The following DIP2C variants were observed in gnomAD, a reference collection of about 807,000 sequenced individuals.
DIP2C encodes disco-interacting protein 2 homolog C.
A neutral mutation model predicts 192.4 loss-of-function variants in DIP2C; 33 were observed. The ratio of observed to expected loss-of-function variants is 0.17; its 90% confidence interval spans 0.13 to 0.23. DIP2C has a LOEUF of 0.23. DIP2C is among the 10% of genes least tolerant of loss of function. The probability of loss-of-function intolerance (pLI) is 1.00; values close to 1 mark genes in which losing one functional copy is unlikely to be tolerated. For missense variants in DIP2C, 1,537 were observed against 2,110.1 expected (o/e 0.73, Z 5.32); for synonymous variants, 979 against 864.1 (o/e 1.13, Z -2.33).
At chr10:509,465 CG>C in intron 1 of DIP2C, among the ~76,000 whole-genome samples, 1 of 152,276 alleles carries the variant, frequency 6.6e-6, no homozygotes, top group East Asian at 1.9e-4. Flanking sequence ...CACAGCAGGT[CG>C]GAACATCCCA....
chr10:603,534 T>C (rs1229422538), intron 1 of DIP2C, among the ~76,000 whole-genome samples: 1 of 152,052 alleles, frequency 6.6e-6, no homozygotes, highest in African/African-American at 2.4e-5. Context: ...AACAAGACCA[T>C]ACTGTGATCG....
At chr10:507,570 G>A (rs765149958) in intron 1 of DIP2C, among the ~76,000 whole-genome samples, 1 of 152,196 alleles carries the variant, frequency 6.6e-6, no homozygotes, top group Admixed American at 6.5e-5. Flanking sequence ...CTGTGTGCGC[G>A]GTGACGGACC....
At chr10:382,826 A>G (rs1962500340) in intron 16 of DIP2C, 65 bp from the exon 17 acceptor site, 2 of 1,193,792 alleles carry the variant, frequency 1.7e-6, no homozygotes, top group Non-Finnish European at 2.4e-6. Context: ...AAATCCCACC[A>G]TAGAAAATAG....
intron 1 of DIP2C, among the ~76,000 whole-genome samples, chr10:552,956 G>A (rs1848658574): frequency 6.6e-6 from 1 of 152,272 alleles, no homozygotes; most frequent in Non-Finnish European, 1.5e-5. Context: ...CCGAGCCTTT[G>A]CTCAGCAGAT....
At chr10:551,906 C>T (rs373627037) in intron 1 of DIP2C, among the ~76,000 whole-genome samples, 2 of 152,234 alleles carry the variant, frequency 1.3e-5, no homozygotes, top group East Asian at 3.8e-4. Flanking sequence ...CAGGCCCCTG[C>T]CGTGGTGTCA....
chr10:290,777 G>A (rs193252411), intron 32 of DIP2C, among the ~76,000 whole-genome samples: 37 of 152,332 alleles, frequency 2.4e-4, no homozygotes, highest in Non-Finnish European at 4.1e-4. Context: ...GACCAGCCAA[G>A]GAGTGAAACT....
intron 29 of DIP2C, among the ~76,000 whole-genome samples, chr10:329,978 G>C (rs1332618321): frequency 6.6e-6 from 1 of 152,100 alleles, no homozygotes; most frequent in Admixed American, 6.5e-5. Context: ...TTCAGAACAG[G>C]AGCTGGCAAA....
At chr10:499,134 A>AC (rs1291755984) in intron 1 of DIP2C, among the ~76,000 whole-genome samples, 2 of 152,128 alleles carry the variant, frequency 1.3e-5, no homozygotes, top group Non-Finnish European at 2.9e-5. Flanking sequence ...GCTGAACCCC[A>AC]CGATGGTCAC....
chr10:574,618 A>G (rs550524579), intron 1 of DIP2C, among the ~76,000 whole-genome samples: 2 of 152,344 alleles, frequency 1.3e-5, no homozygotes, highest in South Asian at 4.1e-4. Context: ...AACATACTCA[A>G]GAGACCCTGA....
At chr10:329,036 G>A (rs1352801602) in intron 30 of DIP2C, among the ~76,000 whole-genome samples, 1 of 152,138 alleles carries the variant, frequency 6.6e-6, no homozygotes, top group Non-Finnish European at 1.5e-5. Context: ...GGTCTCCAGG[G>A]AAAATAAAAG....
intron 29 of DIP2C, among the ~76,000 whole-genome samples, chr10:337,374 G>C (rs550539608): frequency 1.0e-3 from 140 of 134,246 alleles, no homozygotes; most frequent in African/African-American, 3.7e-3. Context: ...TGGAGGCCTA[G>C]GCAGCTGTGT....
At chr10:523,838 G>A (rs913102779) in intron 1 of DIP2C, among the ~76,000 whole-genome samples, 3 of 152,192 alleles carry the variant, frequency 2.0e-5, no homozygotes, top group African/African-American at 7.2e-5. Flanking sequence ...CAGCACACTT[G>A]TCGCTTTTAC....
intron 9 of DIP2C, among the ~76,000 whole-genome samples, chr10:400,200 A>G (rs1383220404): frequency 6.6e-6 from 1 of 152,120 alleles, no homozygotes; most frequent in Admixed American, 6.5e-5. Flanking sequence ...TTTTTAAAAA[A>G]TATCTTTAGA....
intron 14 of DIP2C, among the ~76,000 whole-genome samples, chr10:384,866 A>C (rs980990178): frequency 6.6e-6 from 1 of 151,358 alleles, no homozygotes; most frequent in Non-Finnish European, 1.5e-5. Context: ...TGCCATGGAC[A>C]CCAGACTGCA....
chr10:572,230 G>C (rs1849866359), intron 1 of DIP2C, among the ~76,000 whole-genome samples: 1 of 152,256 alleles, frequency 6.6e-6, no homozygotes, highest in African/African-American at 2.4e-5. Flanking sequence ...CACCTGGCAT[G>C]TGTGCAGCAA....
intron 1 of DIP2C, among the ~76,000 whole-genome samples, chr10:579,001 T>C (rs1165492863): frequency 6.6e-6 from 1 of 152,006 alleles, no homozygotes; most frequent in Admixed American, 6.5e-5. Context: ...AGGTACACTA[T>C]AACGTGTATG....
chr10:456,464 G>A (rs960085760), intron 3 of DIP2C, among the ~76,000 whole-genome samples: 4 of 128,750 alleles, frequency 3.1e-5, no homozygotes, highest in Admixed American at 2.9e-4. Flanking sequence ...CCTGAGGGGA[G>A]ACTGTGAGGA....
intron 1 of DIP2C, among the ~76,000 whole-genome samples, chr10:682,119 A>T (rs748316442): frequency 3.9e-5 from 6 of 152,156 alleles, no homozygotes; most frequent in Non-Finnish European, 8.8e-5. Context: ...CAGAGCATAG[A>T]CCTCATTCCT....
rs1564685049 is a variant in DIP2C at position 417,732 on chromosome 10, GCGCC to G, written c.739+1329_739+1332del. ...CTCAAATAGGCCTCCCTGTCTGCCT[GCGCC>G]TGTCAGGGCTCGGATAGGCATCCCT... On this transcript the variant is annotated intron_variant, in intron 6 of 36. Coordinates refer to ENST00000280886, the MANE Select transcript of DIP2C (RefSeq NM_014974.3). Among the ~76,000 whole-genome samples the G allele has an allele frequency of 3.0e-4, 40 of 133,056 alleles. 12 individuals carry two copies. The highest frequency in any genetic ancestry group is 1.2e-3 in the African/African-American group (40 of 33,210). 87.3% of individuals were successfully genotyped at this position (133,056 alleles called of 152,430 possible).
Sources: allele counts gnomAD v4.1 joint callset (sites outside exome capture counted in the v4.1 genomes callset), GRCh38; gene constraint gnomAD v4.1.1; transcripts MANE v1.5; gene names NCBI Gene and HGNC (gene_info 2026-07-23, HGNC 2026-07-21).